Variants in HAUS1 observed in about 807,000 individuals in gnomAD.
HAUS1 encodes the protein HAUS augmin-like complex subunit 1.
HAUS1 carries 25 observed loss-of-function variants against 38.6 expected under a neutral mutation model. The ratio of observed to expected loss-of-function variants is 0.65; its 90% confidence interval spans 0.47 to 0.91. The LOEUF is 0.91. Ranked by LOEUF, HAUS1 falls within the 40% of genes least tolerant of loss-of-function variation. HAUS1 has a pLI of 0.00. For missense variants in HAUS1, 325 were observed against 328.4 expected (o/e 0.99, Z 0.08); for synonymous variants, 109 against 112.9 (o/e 0.97, Z 0.22).
At chr18:46,120,530 G>A (rs905931593) in intron 4 of HAUS1, among the ~76,000 whole-genome samples, 4 of 151,196 alleles carry the variant, frequency 2.6e-5, no homozygotes, top group African/African-American at 7.3e-5. Flanking sequence ...CACTGCGCCC[G>A]GCCTGACTTT....
At position 46,119,994 on chromosome 18, in the gene HAUS1, A is replaced by C. The variant is rs762601338; in HGVS notation, c.410A>C (p.Lys137Thr). 6.2e-7 allele frequency: 1 copy of C among 1,609,846 alleles called. No homozygotes were observed. Among genetic ancestry groups the C allele is most frequent in the Non-Finnish European group, 8.5e-7 (1 of 1,177,684 alleles). ...ACCAAATCCAAAAGTGAAGAAATCAAGATTGAACTGGAAAAACTTGAAAAA... is the reference window on the plus strand; with the variant it reads ...ACCAAATCCAAAAGTGAAGAAATCACGATTGAACTGGAAAAACTTGAAAAA... The part of the protein sequence containing the change: ...FRTKSKSEEI[K>T]IELEKLEKNL... The change falls in exon 4 of 9, where the codon AAG becomes ACG. Residue 137 changes from lysine to threonine, a missense_variant. Lys to Thr is a moderately conservative substitution (Grantham distance 78). Transcript: ENST00000282058.
intron 2 of HAUS1, among the ~76,000 whole-genome samples, chr18:46,112,428 ATATAATATATATAATGTGTATATATT>A (rs1911671072): frequency 1.8e-5 from 1 of 54,338 alleles, no homozygotes; most frequent in Admixed American, 2.9e-4. Flanking sequence ...CATATTATAT[ATATAATATATATAATGTGTATATATT>A]CCATATTATA....
chr18:46,104,399 G>C lies in HAUS1; in HGVS notation c.-13G>C, dbSNP rs113957702. The C allele has an allele frequency of 0.032, 46,807 of 1,448,628 alleles. 1,040 individuals carry two copies. Among genetic ancestry groups the C allele is most frequent in the Admixed American group, 0.1 (4,299 of 41,560 alleles). The allele number at this position is 1,448,628 out of a possible 1,614,324, so 89.7% of individuals were successfully genotyped here. A position where few individuals can be genotyped will look rare whatever the true frequency, so the allele number is the denominator to read the frequency against. On this transcript the variant is annotated 5_prime_UTR_variant, in exon 1 of 9. Coordinates refer to ENST00000282058, the MANE Select transcript of HAUS1 (RefSeq NM_138443.4). The stretch of plus-strand genomic sequence containing the variant: ...CGCTAGGAGTTCCTAGTAAAGTGGC[G>C]GGAGCCGCAGCTATGGAGCCGCAGG...
At chr18:46,121,778 T>C (rs1207028306) in intron 4 of HAUS1, 1 of 152,176 alleles carries the variant, frequency 6.6e-6, no homozygotes, top group African/African-American at 2.4e-5. Context: ...CTTACATTAA[T>C]TGTAAAATTG....
chr18:46,107,056 A>T (rs1322180357), intron 2 of HAUS1, among the ~76,000 whole-genome samples: 1 of 152,062 alleles, frequency 6.6e-6, no homozygotes, highest in Non-Finnish European at 1.5e-5. Context: ...AAAAATTAAC[A>T]TACAGTAAAA....
chr18:46,109,757 G>A (rs1911571054), intron 2 of HAUS1: 1 of 152,036 alleles, frequency 6.6e-6, no homozygotes, highest in Non-Finnish European at 1.5e-5. Flanking sequence ...GAATAACTAG[G>A]ATTACAGGCA....
At chr18:46,112,896 C>A in intron 2 of HAUS1, among the ~76,000 whole-genome samples, 1 of 98,928 alleles carries the variant, frequency 1.0e-5, no homozygotes, top group African/African-American at 4.5e-5. Flanking sequence ...ATATATATTC[C>A]ATATTATATA....
Position 46,113,075 on chromosome 18 carries a change from C to CATATTATATATATAATATATATATTCCAT in HAUS1, c.206-5102_206-5101insTATATATATAATATATATATTCCATATAT, listed in dbSNP as rs1568263746. On this transcript the variant is annotated intron_variant, in intron 2 of 8. Transcript: ENST00000282058. ...TATTATATATATAATATATATATTC[C>CATATTATATATATAATATATATATTCCAT]ATATATATATATATATTTTTTGAGA... 2.3e-4 allele frequency among the ~76,000 whole-genome samples: 28 copies of CATATTATATATATAATATATATATTCCAT among 123,394 alleles called. No individual in the cohort carries two copies. The East Asian group carries it at 3.1e-3, about 14-fold the overall frequency. 81.0% of individuals were successfully genotyped at this position (123,394 alleles called of 152,430 possible). A position where few individuals can be genotyped will look rare whatever the true frequency, so the allele number is the denominator to read the frequency against.
At chr18:46,123,762 A>G (rs974128142) in intron 6 of HAUS1, among the ~76,000 whole-genome samples, 2 of 152,014 alleles carry the variant, frequency 1.3e-5, no homozygotes, top group Non-Finnish European at 2.9e-5. Flanking sequence ...TAAAGGTTTT[A>G]CCTGTTTTGG....
At chr18:46,116,465 G>A (rs1275833613) in intron 2 of HAUS1, among the ~76,000 whole-genome samples, 1 of 152,038 alleles carries the variant, frequency 6.6e-6, no homozygotes, top group African/African-American at 2.4e-5. Flanking sequence ...GGAGGCTGAG[G>A]TGGGAGGATC....
intron 2 of HAUS1, among the ~76,000 whole-genome samples, chr18:46,111,380 A>C (rs1911630571): frequency 6.6e-6 from 1 of 152,184 alleles, no homozygotes; most frequent in Non-Finnish European, 1.5e-5. Context: ...GCTGGAGTAC[A>C]GGAGCTTGAT....
intron 3 of HAUS1, among the ~76,000 whole-genome samples, chr18:46,119,342 A>G (rs1911876738): frequency 6.6e-6 from 1 of 152,112 alleles, no homozygotes; most frequent in South Asian, 2.1e-4. Flanking sequence ...AGTTCAGCAG[A>G]TAACAAATAC....
Position 46,123,510 on chromosome 18 carries a change from A to G in HAUS1, c.666+146A>G, listed in dbSNP as rs991719425. The G allele has an allele frequency of 1.6e-5, 10 of 614,376 alleles. No homozygotes were observed. The African/African-American group carries it at 1.7e-4, about 10-fold the overall frequency. 38.1% of individuals were successfully genotyped at this position (614,376 alleles called of 1,614,324 possible). On this transcript the variant is annotated intron_variant, in intron 6 of 8. Coordinates refer to ENST00000282058, the MANE Select transcript of HAUS1 (RefSeq NM_138443.4). ...TTGTACTTTATATTCACTGGTATTT[A>G]TATCTTTTATTCCTTGTTTAGCTGT... is the stretch of plus-strand genomic sequence containing the variant.
In HAUS1 at chr18:46,128,243, A is replaced by AAGTT; in HGVS notation, c.*118_*119insAGTT. 1 of 522,996 alleles carries AAGTT rather than the reference A, an allele frequency of 1.9e-6. No individual in the cohort carries two copies. The highest frequency in any genetic ancestry group is 3.4e-6 in the Non-Finnish European group (1 of 295,236). The allele number at this position is 522,996 out of a possible 1,614,324, so 32.4% of individuals were successfully genotyped here. A position where few individuals can be genotyped will look rare whatever the true frequency, so the allele number is the denominator to read the frequency against. On this transcript the variant is annotated 3_prime_UTR_variant, in exon 9 of 9. Coordinates refer to ENST00000282058, the MANE Select transcript of HAUS1 (RefSeq NM_138443.4). ...ACTTTCTGTGTTCTTAGATTACAGA[A>AAGTT]TATCATAATTGATAGAATATGGTTT...
chr18:46,125,601 C>G lies in HAUS1; in HGVS notation c.739-143C>G, dbSNP rs1599819393. The G allele has an allele frequency of 3.8e-5, 20 of 529,872 alleles. No individual in the cohort carries two copies. In the East Asian group the frequency reaches 6.2e-4, roughly 17 times the overall value. The allele number at this position is 529,872 out of a possible 1,614,324, so 32.8% of individuals were successfully genotyped here. Reference sequence around the variant, plus strand: ...GTGTTGGTTTTTAAAGGTTTAAAGTCAGTGGTAAATTTCAGTGTTATATGT... The same window carrying G: ...GTGTTGGTTTTTAAAGGTTTAAAGTGAGTGGTAAATTTCAGTGTTATATGT... On this transcript the variant is annotated intron_variant, in intron 7 of 8. Coordinates refer to ENST00000282058, the MANE Select transcript of HAUS1 (RefSeq NM_138443.4).
At chr18:46,122,319 A>C (rs1232502887) in intron 4 of HAUS1, 148 bp from the exon 5 acceptor site, 5 of 676,288 alleles carry the variant, frequency 7.4e-6, no homozygotes, top group Admixed American at 2.9e-5. Context: ...AAAAAAAAAA[A>C]CCCAGAGTGC....
intron 7 of HAUS1, among the ~76,000 whole-genome samples, 182 bp from the exon 8 acceptor site, chr18:46,125,562 A>C (rs544820717): frequency 6.7e-6 from 1 of 149,952 alleles, no homozygotes; most frequent in African/African-American, 2.5e-5. Context: ...AAAAAAAAAA[A>C]GAAAGAAAAT....
At chr18:46,124,981 C>G in intron 7 of HAUS1, 88 bp downstream of exon 7, 1 of 749,050 alleles carries the variant, frequency 1.3e-6, no homozygotes. Context: ...GTGTTTAGGC[C>G]AGGCACGGTG....
rs150258151 is a variant in HAUS1, at chr18:46,124,867, T to C, written c.712T>C (p.Leu238=). ...KQQTIPLKKK[L]ESYLDLMPNP... ...ACAGACTATACCTTTGAAGAAAAAATTGGAGTCCTATTTAGACTTAATGCC... is the reference window on the plus strand; with the variant it reads ...ACAGACTATACCTTTGAAGAAAAAACTGGAGTCCTATTTAGACTTAATGCC... Residue 238 remains leucine, a synonymous_variant, in exon 7 of 9, where the codon TTG becomes CTG. Coordinates refer to ENST00000282058, the MANE Select transcript of HAUS1 (RefSeq NM_138443.4). 1,028 of 1,602,426 alleles carry C rather than the reference T, an allele frequency of 6.4e-4. 7 individuals carry two copies. In the African/African-American group the frequency reaches 0.011, roughly 17 times the overall value.
Sources: allele counts gnomAD v4.1 joint callset (sites outside exome capture counted in the v4.1 genomes callset), GRCh38; gene constraint gnomAD v4.1.1; transcripts MANE v1.5; gene names NCBI Gene and HGNC (gene_info 2026-07-23, HGNC 2026-07-21).